Variants in EMP2 observed in about 807,000 individuals in gnomAD.
EMP2 encodes the protein epithelial membrane protein 2.
Under a neutral mutation model 13.7 loss-of-function variants are expected in EMP2, and 19 were observed. The ratio of observed to expected loss-of-function variants is 1.38; its 90% confidence interval spans 0.97 to 2.03. The LOEUF (loss-of-function observed/expected upper bound fraction) is 2.03, where lower values mean the gene tolerates loss of function less well. Ranked by LOEUF, EMP2 falls within the 30% of genes most tolerant of loss-of-function variation. The pLI is 0.00. For missense variants in EMP2, 253 were observed against 220.7 expected, an observed-to-expected ratio of 1.15 and a Z score of -0.93; for synonymous variants, 97 against 84.7, an observed-to-expected ratio of 1.15 and a Z score of -0.80.
At chr16:10,536,938 C>T (rs2050651427) in intron 4 of EMP2, among the ~76,000 whole-genome samples, 1 of 152,154 alleles carries the variant, frequency 6.6e-6, no homozygotes, top group Non-Finnish European at 1.5e-5. Flanking sequence ...TGGTCCCAGG[C>T]AAACTAGAAC....
At chr16:10,553,608 G>A (rs2050805544) in intron 1 of EMP2, among the ~76,000 whole-genome samples, 1 of 151,900 alleles carries the variant, frequency 6.6e-6, no homozygotes, top group Non-Finnish European at 1.5e-5. Flanking sequence ...AGCTCCTTTG[G>A]CCACAAGTCT....
At chr16:10,551,873 A>G (rs1408966960) in intron 1 of EMP2, among the ~76,000 whole-genome samples, 12 of 152,080 alleles carry the variant, frequency 7.9e-5, no homozygotes, top group African/African-American at 2.9e-4. Flanking sequence ...ATCAAGGCTC[A>G]TGGGCTCATA....
chr16:10,562,123 G>C (rs2050875497), intron 1 of EMP2, among the ~76,000 whole-genome samples: 2 of 152,072 alleles, frequency 1.3e-5, no homozygotes, highest in South Asian at 2.1e-4. Flanking sequence ...ACACAAGAAA[G>C]GAAAGACAGA....
At chr16:10,548,224 G>C (rs753587070) in intron 1 of EMP2, among the ~76,000 whole-genome samples, 3 of 152,122 alleles carry the variant, frequency 2.0e-5, no homozygotes, top group Admixed American at 6.6e-5. Flanking sequence ...ATTGAGAAAA[G>C]CATCACGTCT....
At chr16:10,566,642 C>T (rs553662996) in intron 1 of EMP2, among the ~76,000 whole-genome samples, 112 of 152,234 alleles carry the variant, frequency 7.4e-4, no homozygotes, top group Middle Eastern at 6.3e-3. Flanking sequence ...TCCACTGATT[C>T]CAGTTCTGTC....
At chr16:10,541,074 C>T (rs1188451767) in intron 3 of EMP2, among the ~76,000 whole-genome samples, 2 of 150,516 alleles carry the variant, frequency 1.3e-5, no homozygotes, top group Non-Finnish European at 2.9e-5. Flanking sequence ...AGTGACAAAG[C>T]GAGACCCTGA....
chr16:10,564,448 G>A (rs182315495), intron 1 of EMP2, among the ~76,000 whole-genome samples: 10 of 136,736 alleles, frequency 7.3e-5, no homozygotes, highest in East Asian at 4.3e-4. Flanking sequence ...CTGAGATTGC[G>A]CCACTGCACT....
In EMP2 at chr16:10,571,395, G is replaced by A. The variant is rs866509222; in HGVS notation, c.-61+9154C>T. ...ACGTCTCACCACCAACCACACTGGGGGCACCTTAAACCCCTGTGCCCTGGC... is the reference window on the plus strand; with the variant it reads ...ACGTCTCACCACCAACCACACTGGGAGCACCTTAAACCCCTGTGCCCTGGC... On this transcript the variant is annotated intron_variant, in intron 1 of 4. Coordinates refer to ENST00000359543, the MANE Select transcript of EMP2 (RefSeq NM_001424.6). Among the ~76,000 whole-genome samples the A allele has an allele frequency of 2.6e-5, 4 of 152,120 alleles. No homozygotes were observed. In the South Asian group the frequency reaches 8.3e-4, roughly 32 times the overall value.
At chr16:10,545,001 C>T (rs889500628) in intron 2 of EMP2, 2 of 152,268 alleles carry the variant, frequency 1.3e-5, no homozygotes. Context: ...CCCCACTGCC[C>T]AAGATGGCCT....
intron 3 of EMP2, among the ~76,000 whole-genome samples, chr16:10,539,682 C>G (rs566693134): frequency 6.6e-6 from 1 of 152,154 alleles, no homozygotes; most frequent in South Asian, 2.1e-4. Context: ...CCTTAAGAAG[C>G]CTGCGTTTCC....
chr16:10,539,802 G>A (rs934438630), intron 3 of EMP2, among the ~76,000 whole-genome samples: 1 of 152,042 alleles, frequency 6.6e-6, no homozygotes, highest in Admixed American at 6.6e-5. Flanking sequence ...CGGGCACGAG[G>A]GCTTCGTAAA....
intron 4 of EMP2, among the ~76,000 whole-genome samples, chr16:10,537,035 G>A: frequency 6.6e-6 from 1 of 152,150 alleles, no homozygotes; most frequent in South Asian, 2.1e-4. Flanking sequence ...CCCGGGAGGT[G>A]GAGGGCTGGA....
At chr16:10,546,832 T>C (rs1016400793) in intron 2 of EMP2, 2 of 152,014 alleles carry the variant, frequency 1.3e-5, no homozygotes, top group Admixed American at 6.6e-5. Flanking sequence ...AAAATGACAA[T>C]AGTGGCAAGG....
At chr16:10,554,808 C>T (rs57179199) in intron 1 of EMP2, among the ~76,000 whole-genome samples, 11,145 of 152,096 alleles carry the variant, frequency 0.073, 516 homozygotes, top group African/African-American at 0.13. Context: ...TCCGTTTCAC[C>T]CTCAGCTGGC....
chr16:10,563,518 G>T (rs761841324), intron 1 of EMP2, among the ~76,000 whole-genome samples: 1 of 152,132 alleles, frequency 6.6e-6, no homozygotes, highest in Non-Finnish European at 1.5e-5. Context: ...TAAGTGACAA[G>T]ACCTATCATT....
chr16:10,554,494 A>G (rs751336902), intron 1 of EMP2, among the ~76,000 whole-genome samples: 11 of 152,054 alleles, frequency 7.2e-5, no homozygotes, highest in Non-Finnish European at 1.3e-4. Context: ...TTGCCACTAC[A>G]TACACCCATG....
Position 10,537,914 on chromosome 16 carries a change from G to T in EMP2, c.316+14C>A, listed in dbSNP as rs376209140. ...AGAAAGCCCCTTGTTAGGGAAGCCC[G>T]TTGATGTACTTACATGACATTAGCT... On this transcript the variant is annotated intron_variant, in intron 4 of 4. Coordinates refer to ENST00000359543, the MANE Select transcript of EMP2 (RefSeq NM_001424.6). 6.2e-7 allele frequency: 1 copy of T among 1,612,364 alleles called. No individual in the cohort carries two copies. The highest frequency in any genetic ancestry group is 8.5e-7 in the Non-Finnish European group (1 of 1,178,576).
intron 1 of EMP2, among the ~76,000 whole-genome samples, chr16:10,551,855 C>T (rs1021828155): frequency 5.9e-5 from 9 of 152,128 alleles, no homozygotes; most frequent in African/African-American, 1.9e-4. Context: ...TATCCCCCCA[C>T]GGAATGGATC....
At chr16:10,571,415 C>T (rs765183733) in intron 1 of EMP2, among the ~76,000 whole-genome samples, 1 of 152,022 alleles carries the variant, frequency 6.6e-6, no homozygotes, top group African/African-American at 2.4e-5. Context: ...ACCCCTGTGC[C>T]CTGGCCCCTG....
Sources: allele counts gnomAD v4.1 joint callset (sites outside exome capture counted in the v4.1 genomes callset), GRCh38; gene constraint gnomAD v4.1.1; transcripts MANE v1.5; gene names NCBI Gene and HGNC (gene_info 2026-07-23, HGNC 2026-07-21).